PFDN1: variants seen among roughly 807,000 people sequenced by gnomAD.
PFDN1 encodes the protein prefoldin subunit 1, also known as prefoldin 1.
In PFDN1, 6 loss-of-function variants were observed where a neutral mutation model predicts 17.3. The observed-to-expected ratio is 0.35, with a 90% CI of 0.19 to 0.69. The LOEUF is 0.69. PFDN1 is among the 30% of genes least tolerant of loss of function. The probability of loss-of-function intolerance (pLI) is 0.65; values close to 1 mark genes in which losing one functional copy is unlikely to be tolerated. For missense variants in PFDN1, 113 were observed against 146.2 expected, an observed-to-expected ratio of 0.77 and a Z score of 1.17; for synonymous variants, 58 against 50.1, an observed-to-expected ratio of 1.16 and a Z score of -0.67.
chr5:140,288,634 G>C (rs1765533474), intron 2 of PFDN1, among the ~76,000 whole-genome samples: 1 of 152,172 alleles, frequency 6.6e-6, no homozygotes, highest in Non-Finnish European at 1.5e-5. Flanking sequence ...GAAAGGGAGT[G>C]AGAGCTTGCT....
chr5:140,289,270 G>GAA (rs546665837), intron 2 of PFDN1, among the ~76,000 whole-genome samples: 2 of 134,612 alleles, frequency 1.5e-5, no homozygotes, highest in Non-Finnish European at 1.6e-5. Context: ...CTGGGAGAAG[G>GAA]AAAAAAAAAA....
chr5:140,278,222 T>C (rs766206614), intron 3 of PFDN1, among the ~76,000 whole-genome samples: 1 of 149,542 alleles, frequency 6.7e-6, no homozygotes, highest in Non-Finnish European at 1.5e-5. Flanking sequence ...CAATAAAAAA[T>C]AAATAAATAT....
chr5:140,278,052 T>C (rs1168026197), intron 3 of PFDN1, among the ~76,000 whole-genome samples: 2 of 151,532 alleles, frequency 1.3e-5, no homozygotes, highest in African/African-American at 2.4e-5. Context: ...CCGTCTCTAC[T>C]AAAGATACAA....
intron 2 of PFDN1, among the ~76,000 whole-genome samples, chr5:140,289,716 A>G (rs372914901): frequency 4.1e-4 from 63 of 152,232 alleles, no homozygotes; most frequent in African/African-American, 1.4e-3. Flanking sequence ...TGTATGTTCC[A>G]TATCACCTCA....
chr5:140,285,904 T>C (rs1221081545), intron 2 of PFDN1, among the ~76,000 whole-genome samples: 2 of 151,958 alleles, frequency 1.3e-5, no homozygotes, highest in Non-Finnish European at 2.9e-5. Flanking sequence ...CTCAGAAAGC[T>C]GAGGTGTGAG....
chr5:140,282,030 T>A (rs1314321336), intron 2 of PFDN1: 2 of 145,674 alleles, frequency 1.4e-5, no homozygotes, highest in African/African-American at 2.6e-5. Context: ...AAAAATAAAT[T>A]TAAAATATTA....
chr5:140,277,880 G>C (rs1765320855), intron 3 of PFDN1, among the ~76,000 whole-genome samples: 1 of 152,178 alleles, frequency 6.6e-6, no homozygotes, highest in Admixed American at 6.5e-5. Flanking sequence ...AACAGCAACA[G>C]TGGAAGCCAC....
At chr5:140,256,658 C>CAAAAAAAAAAAAAAAA (rs757723797) in intron 3 of PFDN1, among the ~76,000 whole-genome samples, 9 of 39,898 alleles carry the variant, frequency 2.3e-4, no homozygotes, top group East Asian at 1.3e-3. Context: ...CAAAAAATGA[C>CAAAAAAAAAAAAAAAA]AAAAAAAAAA....
chr5:140,263,302 T>G (rs920178533), intron 3 of PFDN1, among the ~76,000 whole-genome samples: 1 of 152,206 alleles, frequency 6.6e-6, no homozygotes, highest in Non-Finnish European at 1.5e-5. Context: ...CCCACACTTA[T>G]AGAGATTTGC....
chr5:140,263,574 G>GT (rs1259789225), intron 3 of PFDN1, among the ~76,000 whole-genome samples: 8 of 151,992 alleles, frequency 5.3e-5, no homozygotes, highest in African/African-American at 1.9e-4. Context: ...TAAAAACACC[G>GT]TATCAGTCTA....
chr5:140,268,735 A>G (rs1765166792), intron 3 of PFDN1, among the ~76,000 whole-genome samples: 1 of 152,224 alleles, frequency 6.6e-6, no homozygotes, highest in Non-Finnish European at 1.5e-5. Context: ...TATATTTTAT[A>G]AGACAGGATA....
At chr5:140,256,569 A>T (rs1370131542) in intron 3 of PFDN1, among the ~76,000 whole-genome samples, 1 of 146,330 alleles carries the variant, frequency 6.8e-6, no homozygotes, top group African/African-American at 2.5e-5. Context: ...CAACTGATTT[A>T]TGGTCACCCC....
At chr5:140,265,496 A>G (rs1198913522) in intron 3 of PFDN1, among the ~76,000 whole-genome samples, 1 of 152,150 alleles carries the variant, frequency 6.6e-6, no homozygotes, top group Non-Finnish European at 1.5e-5. Context: ...GCTAGTCCAG[A>G]GTTCCAGATT....
chr5:140,279,155 G>A (rs1008752405), intron 3 of PFDN1, among the ~76,000 whole-genome samples: 2 of 152,162 alleles, frequency 1.3e-5, no homozygotes, highest in Non-Finnish European at 2.9e-5. Flanking sequence ...ATGTATGAAT[G>A]TCTTGATATA....
chr5:140,299,130 T>A (rs1305881056), intron 2 of PFDN1, among the ~76,000 whole-genome samples: 2 of 152,228 alleles, frequency 1.3e-5, no homozygotes, highest in Non-Finnish European at 2.9e-5. Context: ...GATTTATGAT[T>A]TGTATCACTC....
At chr5:140,252,711 T>G (rs967042116) in intron 3 of PFDN1, among the ~76,000 whole-genome samples, 3 of 152,080 alleles carry the variant, frequency 2.0e-5, no homozygotes, top group Non-Finnish European at 4.4e-5. Flanking sequence ...AGAAGCATGT[T>G]TTGATGGGGG....
chr5:140,262,785 T>A (rs1323633576), intron 3 of PFDN1, among the ~76,000 whole-genome samples: 2 of 152,016 alleles, frequency 1.3e-5, no homozygotes, highest in African/African-American at 2.4e-5. Context: ...TAGCATCATT[T>A]GTGTAAAAAA....
intron 3 of PFDN1, among the ~76,000 whole-genome samples, chr5:140,251,827 C>G (rs1376257630): frequency 6.6e-6 from 1 of 152,068 alleles, no homozygotes; most frequent in Non-Finnish European, 1.5e-5. Context: ...GTGTTTCATT[C>G]TCATCCTCTT....
At chr5:140,291,209 G>T (rs1765575913) in intron 2 of PFDN1, among the ~76,000 whole-genome samples, 1 of 152,188 alleles carries the variant, frequency 6.6e-6, no homozygotes, top group Non-Finnish European at 1.5e-5. Flanking sequence ...AGACTATAAA[G>T]GGTTAAGGAC....
Sources: allele counts gnomAD v4.1 joint callset (sites outside exome capture counted in the v4.1 genomes callset), GRCh38; gene constraint gnomAD v4.1.1; transcripts MANE v1.5; gene names NCBI Gene and HGNC (gene_info 2026-07-23, HGNC 2026-07-21).